Variants in CUX2 observed in about 807,000 individuals in gnomAD.
CUX2 encodes cut like homeobox 2, also known as homeobox protein cut-like 2.
A neutral mutation model predicts 144.8 loss-of-function variants in CUX2; 40 were observed. The observed-to-expected ratio is 0.28, with a 90% CI of 0.21 to 0.36. CUX2 has a LOEUF of 0.36. Ranked by LOEUF, CUX2 falls within the 10% of genes least tolerant of loss-of-function variation. CUX2 has a pLI of 1.00. For synonymous variants in CUX2, 827 were observed against 875.6 expected (o/e 0.94, Z 0.98); for missense variants, 1,615 against 1,994.0 (o/e 0.81, Z 3.62).
intron 1 of CUX2, among the ~76,000 whole-genome samples, chr12:111,175,589 A>G (rs112726871): frequency 0.011 from 1,612 of 152,236 alleles, 38 homozygotes; most frequent in African/African-American, 0.037. Flanking sequence ...TCACGCGGCA[A>G]TATCGTGTTG....
chr12:111,345,714 T>A (rs1592993129), intron 21 of CUX2, among the ~76,000 whole-genome samples: 1 of 128,118 alleles, frequency 7.8e-6, no homozygotes. Context: ...CCAGCGTGGG[T>A]GACAGAGCGA....
At chr12:111,195,462 A>C (rs929130029) in intron 1 of CUX2, among the ~76,000 whole-genome samples, 2 of 152,242 alleles carry the variant, frequency 1.3e-5, no homozygotes, top group African/African-American at 4.8e-5. Context: ...GCGGGGCATC[A>C]CTGGGCACCA....
At position 111,341,925 on chromosome 12, in the gene CUX2, C is replaced by T. The variant is rs779066982; in HGVS notation, c.3531C>T (p.Pro1177=). 1.8e-5 allele frequency: 29 copies of T among 1,613,956 alleles called. No homozygotes were observed. Among genetic ancestry groups the T allele is most frequent in the South Asian group, 3.3e-5 (3 of 91,074 alleles). The change falls in exon 21 of 22, where the codon CCC becomes CCT. Residue 1177 remains proline (P), a synonymous_variant. Coordinates refer to ENST00000261726, the MANE Select transcript of CUX2 (RefSeq NM_015267.4). ...QIKKPRVVLA[P]EEKEALRKAY... ...AGAAGCCCCGGGTGGTGCTGGCACC[C>T]GAGGAGAAGGAGGCACTGCGGAAGG... is the stretch of plus-strand genomic sequence containing the variant.
rs56760194 is a variant in CUX2, at chr12:111,190,316, G to A, written c.64-23884G>A. ...ATGCAACAATTACTGCTCAGGACTC[G>A]GGAGTAGGGTGCAGAGGTTCCCATT... On this transcript the variant is annotated intron_variant, in intron 1 of 21. Coordinates refer to ENST00000261726, the MANE Select transcript of CUX2 (RefSeq NM_015267.4). The surrounding 1 kb of genome is among the most constrained non-coding windows in gnomAD (Gnocchi z 4.0). Among the ~76,000 whole-genome samples the A allele has an allele frequency of 0.016, 2,466 of 152,158 alleles. 54 individuals carry two copies. Among genetic ancestry groups the A allele is most frequent in the African/African-American group, 0.05 (2,088 of 41,500 alleles).
chr12:111,329,069 C>T (rs1255242526), intron 18 of CUX2, among the ~76,000 whole-genome samples: 1 of 142,548 alleles, frequency 7.0e-6, no homozygotes, highest in Non-Finnish European at 1.5e-5. Flanking sequence ...CCTCTGTTTG[C>T]TCTGTCTCTT....
chr12:111,067,363 A>AAGGAAGG (rs1480864599), intron 1 of CUX2, among the ~76,000 whole-genome samples: 1 of 152,186 alleles, frequency 6.6e-6, no homozygotes, highest in Non-Finnish European at 1.5e-5. Flanking sequence ...AGGAAGCCTG[A>AAGGAAGG]AGGAAGGAAG....
intron 1 of CUX2, among the ~76,000 whole-genome samples, chr12:111,082,678 C>G (rs1871966608): frequency 6.6e-6 from 1 of 152,090 alleles, no homozygotes; most frequent in Admixed American, 6.5e-5. Flanking sequence ...CAGAAGCTTC[C>G]CATGAAACTT....
intron 1 of CUX2, among the ~76,000 whole-genome samples, chr12:111,063,015 GGGACGA>G (rs1485857300): frequency 2.0e-5 from 3 of 152,124 alleles, no homozygotes; most frequent in Admixed American, 2.0e-4. Flanking sequence ...TGAATGGGAG[GGGACGA>G]AAGAGGAGGA....
At chr12:111,134,616 CTCTCTGTGTGTGTG>C (rs963635883) in intron 1 of CUX2, among the ~76,000 whole-genome samples, 1 of 145,116 alleles carries the variant, frequency 6.9e-6, no homozygotes, top group African/African-American at 2.8e-5. Flanking sequence ...CTCTCTCTCT[CTCTCTGTGTGTGTG>C]TGTGTGTGTG....
chr12:111,334,931 A>T (rs1888281137), intron 19 of CUX2, among the ~76,000 whole-genome samples: 1 of 152,174 alleles, frequency 6.6e-6, no homozygotes, highest in Non-Finnish European at 1.5e-5. Flanking sequence ...ATTAGCTGAA[A>T]ACTCCATGCA....
intron 3 of CUX2, among the ~76,000 whole-genome samples, chr12:111,224,427 G>C (rs558678454): frequency 6.7e-6 from 1 of 149,804 alleles, no homozygotes; most frequent in Non-Finnish European, 1.5e-5. Context: ...CATGTGCTGC[G>C]TCCTTCTTTG....
intron 1 of CUX2, among the ~76,000 whole-genome samples, chr12:111,155,145 T>C (rs1877296080): frequency 6.6e-6 from 1 of 152,160 alleles, no homozygotes; most frequent in African/African-American, 2.4e-5. Flanking sequence ...AAGATGCAGC[T>C]CTGGAGCTGA....
chr12:111,070,003 G>A (rs1414875450), intron 1 of CUX2, among the ~76,000 whole-genome samples: 1 of 152,156 alleles, frequency 6.6e-6, no homozygotes. Flanking sequence ...TGATGAGGAT[G>A]GGAGGGTCGC....
rs766662292 is a variant in CUX2 at position 111,312,455 on chromosome 12, C to T, written c.2002+254C>T. Among the ~76,000 whole-genome samples, 1 of 152,160 alleles carries T rather than the reference C, an allele frequency of 6.6e-6. No homozygotes were observed. Among genetic ancestry groups the T allele is most frequent in the African/African-American group, 2.4e-5 (1 of 41,436 alleles). ...GTGGCTCATGCCTGTAATCCCAGCA[C>T]TTTGGGAAGCCAAGGCAGGCTGATC... On this transcript the variant is annotated intron_variant, in intron 16 of 21. Coordinates refer to ENST00000261726, the MANE Select transcript of CUX2 (RefSeq NM_015267.4). This position sits in a 1 kb window ranked among gnomAD's most constrained non-coding sequence, Gnocchi z 4.3.
intron 1 of CUX2, among the ~76,000 whole-genome samples, chr12:111,212,337 A>G (rs974304201): frequency 6.6e-6 from 1 of 152,078 alleles, no homozygotes; most frequent in African/African-American, 2.4e-5. Flanking sequence ...AAGTGGGAGT[A>G]CCCTGTGCTT....
intron 1 of CUX2, among the ~76,000 whole-genome samples, chr12:111,140,258 GACTTAATTTCCCAGGC>G (rs1281101452): frequency 6.6e-6 from 1 of 152,142 alleles, no homozygotes. Flanking sequence ...GCTATACAGG[GACTTAATTTCCCAGGC>G]AGAGGAGCGA....
chr12:111,341,959 C>T lies in CUX2; in HGVS notation c.3565C>T (p.Leu1189=). Residue 1189 remains leucine, a synonymous_variant, in exon 21 of 22, where the codon CTG becomes TTG. Coordinates refer to ENST00000261726, the MANE Select transcript of CUX2 (RefSeq NM_015267.4). ...GGAGGCACTGCGGAAGGCCTATCAG[C>T]TGGAACCCTACCCCTCGCAGCAGAC... is the stretch of plus-strand genomic sequence containing the variant. ...EKEALRKAYQ[L]EPYPSQQTIE... The T allele has an allele frequency of 3.1e-6, 5 of 1,614,138 alleles. No homozygotes were observed. Among genetic ancestry groups the T allele is most frequent in the Non-Finnish European group, 4.2e-6 (5 of 1,180,032 alleles).
rs146552690 is a variant in CUX2, at chr12:111,126,230, T to G, written c.64-87970T>G. ...TTCAAGCGATTCTCCTGCCTCAGTCTCCCTAGTAGCTGGGATTACAGGCAT... is the reference window on the plus strand; with the variant it reads ...TTCAAGCGATTCTCCTGCCTCAGTCGCCCTAGTAGCTGGGATTACAGGCAT... On this transcript the variant is annotated intron_variant, in intron 1 of 21. Coordinates refer to ENST00000261726, the MANE Select transcript of CUX2 (RefSeq NM_015267.4). Among the ~76,000 whole-genome samples the G allele has an allele frequency of 8.2e-3, 1,245 of 152,038 alleles. 22 individuals are homozygous for G. Among genetic ancestry groups the G allele is most frequent in the African/African-American group, 0.028 (1,161 of 41,460 alleles).
chr12:111,036,617 A>G (rs2135997863), intron 1 of CUX2, among the ~76,000 whole-genome samples: 1 of 150,134 alleles, frequency 6.7e-6, no homozygotes, highest in South Asian at 2.1e-4. Context: ...CCCAGCCTAC[A>G]GGGTGTATAT....
Sources: gnomAD v4.1 joint callset for allele counts (sites outside exome capture counted in the v4.1 genomes callset) on GRCh38, gnomAD v4.1.1 for gene constraint, Gnocchi (gnomAD v3.1) non-coding constraint, MANE v1.5 for transcripts, NCBI Gene and HGNC (gene_info 2026-07-23, HGNC 2026-07-21) for gene names.